IQCJ: variants seen among roughly 807,000 people sequenced by gnomAD.
IQCJ encodes IQ motif containing J, also known as IQ domain-containing protein J.
In IQCJ, 9 loss-of-function variants were observed where a neutral mutation model predicts 11.0. The observed-to-expected ratio is 0.82, with a 90% CI of 0.49 to 1.43. The LOEUF (loss-of-function observed/expected upper bound fraction) is 1.43, where lower values mean the gene tolerates loss of function less well. Among genes scored for constraint, IQCJ ranks in the 40% most tolerant of loss-of-function variants. IQCJ has a pLI of 0.00. For missense variants in IQCJ, 146 were observed against 133.2 expected (o/e 1.10, Z -0.47); for synonymous variants, 55 against 51.3 (o/e 1.07, Z -0.31).
At chr3:159,103,194 A>G (rs1461522955) in intron 1 of IQCJ, among the ~76,000 whole-genome samples, 2 of 152,196 alleles carry the variant, frequency 1.3e-5, no homozygotes, top group East Asian at 3.9e-4. Flanking sequence ...AATTAGTATA[A>G]ACGTAATGTT....
chr3:159,260,252 G>A (rs534971594), intron 3 of IQCJ, among the ~76,000 whole-genome samples: 4 of 152,202 alleles, frequency 2.6e-5, no homozygotes, highest in South Asian at 4.2e-4. Flanking sequence ...GTGTCACACC[G>A]CCCTCTGGTG....
intron 1 of IQCJ, among the ~76,000 whole-genome samples, chr3:159,120,769 G>C (rs548178738): frequency 1.3e-5 from 2 of 152,268 alleles, no homozygotes; most frequent in African/African-American, 4.8e-5. Context: ...AACAGTAAAG[G>C]GTTTTAGTTT....
chr3:159,116,490 C>T (rs1295505563), intron 1 of IQCJ, among the ~76,000 whole-genome samples: 3 of 151,278 alleles, frequency 2.0e-5, no homozygotes, highest in East Asian at 3.9e-4. Context: ...GTCTGTTACC[C>T]TTTGCACTGT....
intron 1 of IQCJ, among the ~76,000 whole-genome samples, chr3:159,085,008 C>A (rs1463987016): frequency 6.6e-6 from 1 of 151,800 alleles, no homozygotes; most frequent in Non-Finnish European, 1.5e-5. Context: ...TGCTGCTGTG[C>A]TGCACCCACT....
At chr3:159,141,283 T>G (rs2108180891) in intron 1 of IQCJ, among the ~76,000 whole-genome samples, 1 of 152,238 alleles carries the variant, frequency 6.6e-6, no homozygotes. Flanking sequence ...AATCTTGAGG[T>G]CCAGGGAGGC....
chr3:159,164,362 A>C (rs1722046875), intron 1 of IQCJ, among the ~76,000 whole-genome samples: 1 of 152,164 alleles, frequency 6.6e-6, no homozygotes, highest in Non-Finnish European at 1.5e-5. Flanking sequence ...TTTCTTTGCT[A>C]CTGAATCTCA....
chr3:159,105,511 T>C (rs1718199269), intron 1 of IQCJ, among the ~76,000 whole-genome samples: 2 of 152,148 alleles, frequency 1.3e-5, no homozygotes, highest in Non-Finnish European at 2.9e-5. Context: ...TACACTCTCA[T>C]GGGGGGAGAC....
intron 1 of IQCJ, among the ~76,000 whole-genome samples, chr3:159,160,423 C>A (rs113326536): frequency 6.6e-6 from 1 of 152,050 alleles, no homozygotes; most frequent in African/African-American, 2.4e-5. Flanking sequence ...CTGCCTCAAC[C>A]TCCTGAGTAG....
intron 1 of IQCJ, among the ~76,000 whole-genome samples, chr3:159,135,821 C>T (rs1477642801): frequency 1.3e-5 from 2 of 152,144 alleles, no homozygotes; most frequent in Non-Finnish European, 2.9e-5. Context: ...TTTAGGCAGC[C>T]ATGAATTTAT....
At chr3:159,235,327 T>A (rs1726513828) in intron 1 of IQCJ, among the ~76,000 whole-genome samples, 1 of 152,232 alleles carries the variant, frequency 6.6e-6, no homozygotes, top group Non-Finnish European at 1.5e-5. Context: ...TCTTGTATCC[T>A]AGATTTAATG....
intron 1 of IQCJ, among the ~76,000 whole-genome samples, chr3:159,197,716 T>C (rs1279033834): frequency 1.3e-5 from 2 of 151,822 alleles, no homozygotes; most frequent in African/African-American, 4.8e-5. Flanking sequence ...TTAAGAGAGA[T>C]GGGGGAACTG....
At chr3:159,134,431 T>G (rs924271209) in intron 1 of IQCJ, among the ~76,000 whole-genome samples, 1 of 152,162 alleles carries the variant, frequency 6.6e-6, no homozygotes, top group African/African-American at 2.4e-5. Context: ...CCAATATTCA[T>G]GGAATCTAAG....
At chr3:159,257,392 A>G (rs1727955786) in intron 3 of IQCJ, among the ~76,000 whole-genome samples, 1 of 152,172 alleles carries the variant, frequency 6.6e-6, no homozygotes, top group Non-Finnish European at 1.5e-5. Context: ...CCAGGACCCA[A>G]ATTGCCCAAA....
intron 1 of IQCJ, among the ~76,000 whole-genome samples, chr3:159,086,854 C>T (rs1316544447): frequency 2.6e-5 from 4 of 152,118 alleles, no homozygotes; most frequent in Non-Finnish European, 4.4e-5. Context: ...ACAATCATGT[C>T]ATCTGCAAAC....
chr3:159,132,741 A>T (rs1429987388), intron 1 of IQCJ, among the ~76,000 whole-genome samples: 1 of 152,188 alleles, frequency 6.6e-6, no homozygotes, highest in Non-Finnish European at 1.5e-5. Context: ...ATGGCTAATG[A>T]ATTCAAAAGC....
intron 1 of IQCJ, among the ~76,000 whole-genome samples, chr3:159,147,084 C>A (rs1019802078): frequency 2.6e-5 from 4 of 152,176 alleles, no homozygotes; most frequent in Non-Finnish European, 5.9e-5. Flanking sequence ...TCATTTTTCA[C>A]ATTTGTGTAA....
intron 3 of IQCJ, among the ~76,000 whole-genome samples, chr3:159,260,820 A>T (rs1055556201): frequency 6.6e-6 from 1 of 152,176 alleles, no homozygotes; most frequent in Non-Finnish European, 1.5e-5. Flanking sequence ...TTAAAAAAAA[A>T]ACTCTAAAAG....
chr3:159,169,572 G>A (rs747486502), intron 1 of IQCJ, among the ~76,000 whole-genome samples: 1 of 152,076 alleles, frequency 6.6e-6, no homozygotes, highest in African/African-American at 2.4e-5. Context: ...TTACAGGCAT[G>A]AGCCACCGCA....
At chr3:159,191,763 C>G (rs1428368517) in intron 1 of IQCJ, among the ~76,000 whole-genome samples, 2 of 152,168 alleles carry the variant, frequency 1.3e-5, no homozygotes, top group African/African-American at 2.4e-5. Flanking sequence ...GATTTTATCT[C>G]TGGTACAAGT....
Sources: gnomAD v4.1 joint callset for allele counts (sites outside exome capture counted in the v4.1 genomes callset) on GRCh38, gnomAD v4.1.1 for gene constraint, MANE v1.5 for transcripts, NCBI Gene and HGNC (gene_info 2026-07-23, HGNC 2026-07-21) for gene names.